PCDH15: variants seen among roughly 807,000 people sequenced by gnomAD.
The protein encoded by PCDH15 is protocadherin-15.
PCDH15 carries 129 observed loss-of-function variants against 178.5 expected under a neutral mutation model. The observed-to-expected ratio is 0.72, with a 90% CI of 0.63 to 0.84. PCDH15 has a LOEUF of 0.84. Ranked by LOEUF, PCDH15 falls within the 40% of genes least tolerant of loss-of-function variation. The probability of loss-of-function intolerance (pLI) is 0.00; values close to 1 mark genes in which losing one functional copy is unlikely to be tolerated. For missense variants in PCDH15, 2,230 were observed against 2,099.9 expected, an observed-to-expected ratio of 1.06 and a Z score of -1.21; for synonymous variants, 800 against 732.0, an observed-to-expected ratio of 1.09 and a Z score of -1.50.
chr10:54,132,146 T>C (rs1215805075), intron 15 of PCDH15, among the ~76,000 whole-genome samples: 1 of 152,110 alleles, frequency 6.6e-6, no homozygotes, highest in Non-Finnish European at 1.5e-5. Flanking sequence ...TACGTCATCT[T>C]ATGATTCTTA....
At chr10:54,121,182 C>T (rs1204401038) in intron 15 of PCDH15, among the ~76,000 whole-genome samples, 2 of 151,980 alleles carry the variant, frequency 1.3e-5, no homozygotes, top group Non-Finnish European at 2.9e-5. Flanking sequence ...ACAGCTTGCT[C>T]CTGAGTGACT....
chr10:54,403,437 T>C (rs113002964), intron 3 of PCDH15, among the ~76,000 whole-genome samples: 3,990 of 152,084 alleles, frequency 0.026, 167 homozygotes, highest in African/African-American at 0.089. Flanking sequence ...ATTGAAGGAA[T>C]AGACCTTGAA....
intron 19 of PCDH15, among the ~76,000 whole-genome samples, chr10:54,021,936 T>C (rs2135305937): frequency 6.6e-6 from 1 of 152,120 alleles, no homozygotes; most frequent in South Asian, 2.1e-4. Flanking sequence ...ACTTAACTAA[T>C]TAATTAATTG....
intron 1 of PCDH15, among the ~76,000 whole-genome samples, chr10:55,185,674 T>G (rs1035712483): frequency 1.3e-5 from 2 of 151,826 alleles, no homozygotes; most frequent in African/African-American, 2.4e-5. Flanking sequence ...TATTTTTATT[T>G]GGATACAGTG....
chr10:54,767,769 T>A (rs1948678155), intron 1 of PCDH15, among the ~76,000 whole-genome samples: 1 of 152,174 alleles, frequency 6.6e-6, no homozygotes, highest in Non-Finnish European at 1.5e-5. Flanking sequence ...TTCTACAATA[T>A]CTGACTAGCA....
At chr10:55,192,985 CTTT>C (rs5785122) in intron 1 of PCDH15, among the ~76,000 whole-genome samples, 7 of 132,448 alleles carry the variant, frequency 5.3e-5, no homozygotes, top group African/African-American at 1.1e-4. Context: ...TTCAAAATGG[CTTT>C]TTTTTTTTTT....
chr10:55,336,926 C>G (rs573226598), intron 2 of PCDH15, among the ~76,000 whole-genome samples: 1 of 152,222 alleles, frequency 6.6e-6, no homozygotes. Flanking sequence ...GGAAATACAT[C>G]TTTTCTGTGC....
At chr10:55,328,553 A>G (rs1435332038) in intron 2 of PCDH15, among the ~76,000 whole-genome samples, 3 of 151,540 alleles carry the variant, frequency 2.0e-5, no homozygotes, top group African/African-American at 7.3e-5. Context: ...ACAGTCCATC[A>G]TTGGCATCAT....
chr10:54,332,301 T>TTA (rs1939873267), intron 6 of PCDH15, among the ~76,000 whole-genome samples: 4 of 47,138 alleles, frequency 8.5e-5, no homozygotes, highest in Admixed American at 2.2e-4. Flanking sequence ...ATATTACATA[T>TTA]TATTATATAT....
At chr10:54,559,884 A>T (rs540103939) in intron 2 of PCDH15, among the ~76,000 whole-genome samples, 1 of 139,050 alleles carries the variant, frequency 7.2e-6, no homozygotes, top group Admixed American at 7.2e-5. Context: ...AGAAAAGAAA[A>T]GGTGGTTTGC....
chr10:54,028,133 G>C (rs1032004303), intron 18 of PCDH15, among the ~76,000 whole-genome samples: 4 of 149,956 alleles, frequency 2.7e-5, no homozygotes, highest in African/African-American at 9.8e-5. Context: ...CGAAGGACAT[G>C]AACAGACACT....
At chr10:54,393,484 A>C (rs1317331446) in intron 3 of PCDH15, among the ~76,000 whole-genome samples, 3 of 152,190 alleles carry the variant, frequency 2.0e-5, no homozygotes, top group African/African-American at 7.2e-5. Context: ...ACTAAATGGA[A>C]TATAGAACAC....
intron 3 of PCDH15, among the ~76,000 whole-genome samples, chr10:54,507,127 A>C: frequency 6.6e-6 from 1 of 151,866 alleles, no homozygotes. Flanking sequence ...GTTCCTTATG[A>C]GAACATTCCA....
chr10:54,448,220 A>G (rs1225669964), intron 3 of PCDH15, among the ~76,000 whole-genome samples: 1 of 151,760 alleles, frequency 6.6e-6, no homozygotes, highest in Non-Finnish European at 1.5e-5. Flanking sequence ...TGTAATTTTA[A>G]ACAAATAATA....
chr10:54,962,933 G>A (rs1838693093), intron 2 of PCDH15, among the ~76,000 whole-genome samples: 1 of 152,214 alleles, frequency 6.6e-6, no homozygotes, highest in African/African-American at 2.4e-5. Flanking sequence ...GAAGGATCCT[G>A]TGACAGAACT....
intron 2 of PCDH15, among the ~76,000 whole-genome samples, chr10:55,464,341 T>G (rs1386459322): frequency 6.6e-6 from 1 of 152,080 alleles, no homozygotes; most frequent in East Asian, 1.9e-4. Context: ...GTTGTTTACA[T>G]TTATATTGTC....
At chr10:54,482,451 A>G (rs1224060180) in intron 3 of PCDH15, among the ~76,000 whole-genome samples, 1 of 151,870 alleles carries the variant, frequency 6.6e-6, no homozygotes, top group Admixed American at 6.6e-5. Flanking sequence ...AATTTTCAAT[A>G]AAAATGATAC....
intron 1 of PCDH15, among the ~76,000 whole-genome samples, chr10:55,243,077 A>T (rs1230356598): frequency 6.6e-6 from 1 of 152,190 alleles, no homozygotes; most frequent in Non-Finnish European, 1.5e-5. Flanking sequence ...TTCATTTATG[A>T]TAGGAAATAA....
chr10:54,682,747 G>A lies in PCDH15; in HGVS notation c.-28-18457C>T, dbSNP rs903849154. ...AAACTAAATAGCTACCCATGTGTGT[G>A]TGCATAGTGATGTCAGAAGTTCTTA... On this transcript the variant is annotated intron_variant, in intron 1 of 37. Coordinates refer to ENST00000644397, the MANE Select transcript of PCDH15 (RefSeq NM_001384140.1). Among the ~76,000 whole-genome samples, 4 of 152,148 alleles carry A rather than the reference G, an allele frequency of 2.6e-5. No homozygotes were observed. The East Asian group carries it at 5.8e-4, about 22-fold the overall frequency.
Sources: gnomAD v4.1 joint callset for allele counts (sites outside exome capture counted in the v4.1 genomes callset) on GRCh38, gnomAD v4.1.1 for gene constraint, MANE v1.5 for transcripts, NCBI Gene and HGNC (gene_info 2026-07-23, HGNC 2026-07-21) for gene names.